The following CDK14 variants were observed in gnomAD, a reference collection of about 807,000 sequenced individuals.
The protein encoded by CDK14 is cyclin-dependent kinase 14.
CDK14 carries 34 observed loss-of-function variants against 60.7 expected under a neutral mutation model. The ratio of observed to expected loss-of-function variants is 0.56; its 90% CI spans 0.43 to 0.75. CDK14 has a LOEUF of 0.75. Among genes scored for constraint, CDK14 ranks in the 30% least tolerant of loss-of-function variants. The probability of loss-of-function intolerance (pLI) is 0.00; values close to 1 mark genes in which losing one functional copy is unlikely to be tolerated. For synonymous variants in CDK14, 197 were observed against 203.7 expected (o/e 0.97, Z 0.28); for missense variants, 482 against 564.1 (o/e 0.85, Z 1.47).
chr7:91,037,413 G>A (rs1336659116), intron 10 of CDK14, among the ~76,000 whole-genome samples: 1 of 152,162 alleles, frequency 6.6e-6, no homozygotes, highest in Non-Finnish European at 1.5e-5. Flanking sequence ...GTATGTGCAT[G>A]TGTATGTGTG....
At chr7:90,688,333 A>G (rs371897666) in intron 2 of CDK14, among the ~76,000 whole-genome samples, 15 of 152,164 alleles carry the variant, frequency 9.9e-5, no homozygotes, top group African/African-American at 3.6e-4. Flanking sequence ...ATTAAATAGG[A>G]AAAGGAAATA....
chr7:90,957,595 G>A (rs866847308), intron 9 of CDK14, among the ~76,000 whole-genome samples: 54 of 151,870 alleles, frequency 3.6e-4, no homozygotes, highest in Non-Finnish European at 4.9e-4. Context: ...GTGAACTCCC[G>A]TTCACAATTG....
chr7:90,695,121 C>A (rs1296277298), intron 2 of CDK14, among the ~76,000 whole-genome samples: 1 of 152,184 alleles, frequency 6.6e-6, no homozygotes, highest in Non-Finnish European at 1.5e-5. Context: ...CTTTGTCTTG[C>A]TTTCAGCCTT....
chr7:90,730,699 T>C (rs1802828093), intron 3 of CDK14, among the ~76,000 whole-genome samples: 1 of 152,144 alleles, frequency 6.6e-6, no homozygotes, highest in Non-Finnish European at 1.5e-5. Flanking sequence ...TTTGATGTTG[T>C]TTTCTTTTTT....
intron 10 of CDK14, among the ~76,000 whole-genome samples, chr7:90,991,697 C>T (rs183090109): frequency 4.4e-4 from 67 of 152,134 alleles, no homozygotes; most frequent in African/African-American, 1.5e-3. Context: ...GATTTCCTGC[C>T]CCAAAAGTGT....
At chr7:90,679,777 T>G (rs1424800777) in intron 2 of CDK14, among the ~76,000 whole-genome samples, 1 of 152,266 alleles carries the variant, frequency 6.6e-6, no homozygotes, top group Non-Finnish European at 1.5e-5. Flanking sequence ...ACAGCTATGC[T>G]GTATGATTTC....
chr7:91,118,026 T>C, intron 13 of CDK14, 39 bp from the exon 14 acceptor site: 1 of 1,175,464 alleles, frequency 8.5e-7, no homozygotes, highest in Non-Finnish European at 1.2e-6. Context: ...TATAAATATC[T>C]ATAACTATAT....
chr7:90,788,084 C>G (rs1805673799), intron 4 of CDK14, among the ~76,000 whole-genome samples: 2 of 152,098 alleles, frequency 1.3e-5, no homozygotes, highest in Admixed American at 6.6e-5. Flanking sequence ...TTCCAGAACT[C>G]AGTTCACAAT....
intron 14 of CDK14, among the ~76,000 whole-genome samples, chr7:91,156,954 G>A (rs1192167316): frequency 6.6e-6 from 1 of 152,128 alleles, no homozygotes; most frequent in Non-Finnish European, 1.5e-5. Flanking sequence ...ATTTTAAGCA[G>A]CTATCATTTC....
At chr7:91,193,144 C>G (rs1802424167) in intron 14 of CDK14, among the ~76,000 whole-genome samples, 2 of 152,130 alleles carry the variant, frequency 1.3e-5, no homozygotes, top group Admixed American at 1.3e-4. Flanking sequence ...GAAGGTATTT[C>G]CTCTGCAATA....
chr7:91,186,102 T>C (rs1027130478), intron 14 of CDK14, among the ~76,000 whole-genome samples: 2 of 132,476 alleles, frequency 1.5e-5, no homozygotes, highest in Non-Finnish European at 3.3e-5. Flanking sequence ...CTGTCTTCCT[T>C]CTCCCCTCCC....
At chr7:90,626,740 G>C (rs537015802) in intron 2 of CDK14, among the ~76,000 whole-genome samples, 2 of 152,244 alleles carry the variant, frequency 1.3e-5, no homozygotes, top group South Asian at 4.1e-4. Context: ...AGGAGTTGGA[G>C]ACCAGCCTGG....
intron 4 of CDK14, among the ~76,000 whole-genome samples, chr7:90,782,532 G>A (rs571847524): frequency 6.6e-6 from 1 of 152,198 alleles, no homozygotes; most frequent in South Asian, 2.1e-4. Context: ...GGAGCCTCTG[G>A]AATCTCTTTG....
At chr7:91,122,928 TG>T (rs1562913955) in intron 14 of CDK14, among the ~76,000 whole-genome samples, 1 of 152,174 alleles carries the variant, frequency 6.6e-6, no homozygotes, top group Non-Finnish European at 1.5e-5. Flanking sequence ...GGCCCAGAAC[TG>T]GTTGGCCAAC....
At chr7:91,068,308 T>A (rs556512492) in intron 11 of CDK14, among the ~76,000 whole-genome samples, 1 of 152,352 alleles carries the variant, frequency 6.6e-6, no homozygotes, top group East Asian at 1.9e-4. Context: ...TCGGGGCTGA[T>A]CTTCAGCTAA....
chr7:90,641,745 ACT>A (rs1563027020), intron 2 of CDK14, among the ~76,000 whole-genome samples: 1 of 92,576 alleles, frequency 1.1e-5, no homozygotes, highest in Non-Finnish European at 2.6e-5. Flanking sequence ...GTTTGGCACA[ACT>A]CTGTAAATAT....
chr7:91,008,883 C>A (rs1202186020), intron 10 of CDK14, among the ~76,000 whole-genome samples: 3 of 152,056 alleles, frequency 2.0e-5, no homozygotes, highest in Non-Finnish European at 4.4e-5. Context: ...CTGTAAATTG[C>A]ATGTTTAAGG....
At chr7:90,883,146 A>T (rs1412079335) in intron 6 of CDK14, among the ~76,000 whole-genome samples, 1 of 152,120 alleles carries the variant, frequency 6.6e-6, no homozygotes, top group South Asian at 2.1e-4. Context: ...CAAAAAATAA[A>T]TGAATCCAGG....
intron 14 of CDK14, among the ~76,000 whole-genome samples, chr7:91,170,890 C>T (rs1156330117): frequency 6.6e-6 from 1 of 150,720 alleles, no homozygotes; most frequent in Non-Finnish European, 1.5e-5. Flanking sequence ...CCTCAGCCTC[C>T]TAAGTAGCTG....
Sources: gnomAD v4.1 joint callset for allele counts (sites outside exome capture counted in the v4.1 genomes callset) on GRCh38, gnomAD v4.1.1 for gene constraint, MANE v1.5 for transcripts, NCBI Gene and HGNC (gene_info 2026-07-23, HGNC 2026-07-21) for gene names.